JPH3: variants seen among roughly 807,000 people sequenced by gnomAD.
JPH3 encodes the protein junctophilin-3.
In JPH3, 11 loss-of-function variants were observed where a neutral mutation model predicts 59.6. The ratio of observed to expected loss-of-function variants is 0.18; its 90% CI spans 0.12 to 0.31. JPH3 has a LOEUF of 0.31. Among genes scored for constraint, JPH3 ranks in the 10% least tolerant of loss-of-function variants. The pLI, the probability that JPH3 is intolerant of heterozygous loss-of-function variation, is 1.00. For missense variants in JPH3, 1,202 were observed against 1,105.7 expected (o/e 1.09, Z -1.24); for synonymous variants, 673 against 483.6 (o/e 1.39, Z -5.14).
At chr16:87,684,719 A>G (rs1358586301) in intron 3 of JPH3, among the ~76,000 whole-genome samples, 1 of 152,190 alleles carries the variant, frequency 6.6e-6, no homozygotes, top group Non-Finnish European at 1.5e-5. Context: ...ACCATTAAAC[A>G]CACCCAGTGG....
At chr16:87,645,110 C>T in intron 2 of JPH3, 75 bp downstream of exon 2, 1 of 1,458,012 alleles carries the variant, frequency 6.9e-7, no homozygotes, top group Admixed American at 2.1e-5. Context: ...TTCAGTCCTG[C>T]TGTCGCTCAA....
chr16:87,646,627 A>T (rs975876856), intron 2 of JPH3, among the ~76,000 whole-genome samples: 1 of 152,106 alleles, frequency 6.6e-6, no homozygotes, highest in East Asian at 1.9e-4. Context: ...ATTTTGGTGA[A>T]TTTCTTTCCT....
chr16:87,660,611 C>G (rs139148442), intron 2 of JPH3, among the ~76,000 whole-genome samples: 3 of 152,182 alleles, frequency 2.0e-5, no homozygotes, highest in African/African-American at 7.2e-5. Context: ...CCAGTCTCCC[C>G]GTTTTGTAGA....
At chr16:87,635,737 G>A (rs2031719120) in intron 1 of JPH3, among the ~76,000 whole-genome samples, 1 of 152,288 alleles carries the variant, frequency 6.6e-6, no homozygotes, top group Middle Eastern at 3.4e-3. Context: ...GGCGTTTCAC[G>A]GGCAAGGTTT....
chr16:87,696,568 G>A lies in JPH3; in HGVS notation c.2167-12G>A, dbSNP rs199626520. On this transcript the variant is annotated splice_polypyrimidine_tract_variant and intron_variant, in intron 4 of 4. Transcript: ENST00000284262. Reference sequence around the variant, plus strand: ...CAGCTGTCGCTCACCTCTTCCCCTCGCTCTCTTCCAGGGCTCAGCGCCTAT... The same window carrying A: ...CAGCTGTCGCTCACCTCTTCCCCTCACTCTCTTCCAGGGCTCAGCGCCTAT... The A allele has an allele frequency of 3.5e-5, 57 of 1,611,532 alleles. No homozygotes were observed. In the East Asian group the frequency reaches 7.1e-4, roughly 20 times the overall value.
At chr16:87,685,152 C>T (rs939343761) in intron 3 of JPH3, among the ~76,000 whole-genome samples, 1 of 152,148 alleles carries the variant, frequency 6.6e-6, no homozygotes, top group African/African-American at 2.4e-5. Flanking sequence ...CGGGGCTGGG[C>T]GCTCCCCTGA....
At chr16:87,621,525 C>G (rs1204325530) in intron 1 of JPH3, among the ~76,000 whole-genome samples, 2 of 152,214 alleles carry the variant, frequency 1.3e-5, no homozygotes, top group African/African-American at 4.8e-5. Flanking sequence ...CCCCAGGCCC[C>G]AGGGCTTCCC....
chr16:87,654,749 C>T (rs1453698248), intron 2 of JPH3: 2 of 152,312 alleles, frequency 1.3e-5, no homozygotes, highest in Non-Finnish European at 2.9e-5. Flanking sequence ...GCTCGCTGCG[C>T]AGTAAGCTGC....
intron 1 of JPH3, among the ~76,000 whole-genome samples, chr16:87,637,130 C>G (rs2031777531): frequency 6.6e-6 from 1 of 152,244 alleles, no homozygotes. Context: ...AATCTTACAT[C>G]TGTATTTTTA....
At chr16:87,636,288 C>G (rs906715802) in intron 1 of JPH3, among the ~76,000 whole-genome samples, 1 of 152,228 alleles carries the variant, frequency 6.6e-6, no homozygotes, top group Non-Finnish European at 1.5e-5. Flanking sequence ...CTCAGTTGCC[C>G]TCAGCCGCGG....
chr16:87,609,159 A>G (rs938803553), intron 1 of JPH3, among the ~76,000 whole-genome samples: 2 of 152,266 alleles, frequency 1.3e-5, no homozygotes, highest in African/African-American at 2.4e-5. Flanking sequence ...TCCTTCCTGA[A>G]GAAGTGAGTG....
Position 87,603,126 on chromosome 16 carries a change from A to T in JPH3, c.-21A>T. The T allele has an allele frequency of 6.2e-7, 1 of 1,613,736 alleles. No homozygotes were observed. The highest frequency in any genetic ancestry group is 8.5e-7 in the Non-Finnish European group (1 of 1,179,846). On this transcript the variant is annotated 5_prime_UTR_variant, in exon 1 of 5. Coordinates refer to ENST00000284262, the MANE Select transcript of JPH3 (RefSeq NM_020655.4). ...TGAGTCCGTTTTCACCGTTTGCGGG[A>T]TCTGGAACCGAGTTACATGCATGTC... is the stretch of plus-strand genomic sequence containing the variant.
At chr16:87,661,679 T>C (rs1217005838) in intron 2 of JPH3, among the ~76,000 whole-genome samples, 1 of 152,214 alleles carries the variant, frequency 6.6e-6, no homozygotes. Flanking sequence ...GGGACAGCCC[T>C]GTCCAAGAGC....
At chr16:87,672,242 A>G (rs1252521781) in intron 2 of JPH3, among the ~76,000 whole-genome samples, 1 of 152,110 alleles carries the variant, frequency 6.6e-6, no homozygotes, top group Non-Finnish European at 1.5e-5. Flanking sequence ...CTCCGTTTCT[A>G]ACACGCCGGG....
chr16:87,638,966 T>C (rs1394748053), intron 1 of JPH3, among the ~76,000 whole-genome samples: 1 of 152,132 alleles, frequency 6.6e-6, no homozygotes, highest in African/African-American at 2.4e-5. Context: ...CCTTGGCACC[T>C]GGGGAGGACA....
intron 4 of JPH3, chr16:87,696,264 A>C: frequency 2.1e-6 from 1 of 475,776 alleles, no homozygotes; most frequent in Admixed American, 3.1e-5. Flanking sequence ...GCTTGCAGGG[A>C]GGCCTGGGTG....
At chr16:87,660,525 C>T (rs1028712772) in intron 2 of JPH3, among the ~76,000 whole-genome samples, 5 of 152,220 alleles carry the variant, frequency 3.3e-5, no homozygotes, top group Admixed American at 2.6e-4. Flanking sequence ...CGCCACTGCT[C>T]ATGCTTCTGT....
Position 87,661,229 on chromosome 16 carries a change from C to G in JPH3, c.1160+16194C>G, listed in dbSNP as rs59850354. Among the ~76,000 whole-genome samples, 826 of 152,310 alleles carry G rather than the reference C, an allele frequency of 5.4e-3. 14 individuals carry two copies. Among genetic ancestry groups the G allele is most frequent in the African/African-American group, 0.019 (789 of 41,576 alleles). On this transcript the variant is annotated intron_variant, in intron 2 of 4. Transcript: ENST00000284262. ...CTCCTGCCTCCCTCTTACAAGGACC[C>G]TTGTGGTTCGGGGTCATCTGATTAT...
intron 2 of JPH3, among the ~76,000 whole-genome samples, chr16:87,680,615 G>C (rs893696378): frequency 1.3e-5 from 2 of 152,064 alleles, no homozygotes; most frequent in Non-Finnish European, 1.5e-5. Flanking sequence ...GGGGGCCCCA[G>C]GTGAGCTCAG....
Sources: allele counts gnomAD v4.1 joint callset (sites outside exome capture counted in the v4.1 genomes callset), GRCh38; gene constraint gnomAD v4.1.1; transcripts MANE v1.5; gene names NCBI Gene and HGNC (gene_info 2026-07-23, HGNC 2026-07-21).